The following PIK3C2G variants were observed in gnomAD, a reference collection of about 807,000 sequenced individuals.
The protein encoded by PIK3C2G is phosphatidylinositol-4-phosphate 3-kinase catalytic subunit type 2 gamma, also known as phosphatidylinositol 3-kinase C2 domain-containing subunit gamma.
PIK3C2G carries 168 observed loss-of-function variants against 181.1 expected under a neutral mutation model. That is an observed-to-expected ratio of 0.93 (90% CI 0.82 to 1.05). The LOEUF is 1.05. Among genes scored for constraint, PIK3C2G ranks in the 50% least tolerant of loss-of-function variants. The pLI, the probability that PIK3C2G is intolerant of heterozygous loss-of-function variation, is 0.00. For missense variants in PIK3C2G, 1,869 were observed against 1,732.8 expected (o/e 1.08, Z -1.40); for synonymous variants, 573 against 592.2 (o/e 0.97, Z 0.47).
At chr12:18,343,456 G>T in intron 10 of PIK3C2G, 96 bp downstream of exon 10, 1 of 603,170 alleles carries the variant, frequency 1.7e-6, no homozygotes, top group Non-Finnish European at 3.0e-6. Flanking sequence ...CAAATACTGT[G>T]GTAACACACA....
At chr12:18,450,496 G>A (rs1221611330) in intron 18 of PIK3C2G, among the ~76,000 whole-genome samples, 1 of 152,104 alleles carries the variant, frequency 6.6e-6, no homozygotes, top group African/African-American at 2.4e-5. Flanking sequence ...TTCATCAGAT[G>A]GGTAGATTGC....
In PIK3C2G at chr12:18,488,600, G is replaced by A. The variant is rs1940274118; in HGVS notation, c.2656G>A (p.Val886Ile). The A allele has an allele frequency of 6.4e-7, 1 of 1,561,442 alleles. No individual in the cohort carries two copies. The highest frequency in any genetic ancestry group is 8.7e-7 in the Non-Finnish European group (1 of 1,155,218). Residue 886 changes from valine to isoleucine, a missense_variant, in exon 19 of 33, where the codon GTC becomes ATC. Transcript: ENST00000538779. Reference sequence around the variant, plus strand: ...AATTCTGGGAGATATTGGGGAAAGAGTCAAGTCTGCCAGTGACCATCAAAG... The same window carrying A: ...AATTCTGGGAGATATTGGGGAAAGAATCAAGTCTGCCAGTGACCATCAAAG... ...IKILGDIGER[V>I]KSASDHQRQE... is the part of the protein sequence containing the mutation.
chr12:18,583,285 G>A (rs1301708641), intron 29 of PIK3C2G, among the ~76,000 whole-genome samples: 1 of 152,118 alleles, frequency 6.6e-6, no homozygotes, highest in East Asian at 1.9e-4. Context: ...CACTGTAGGT[G>A]CTGAAAAATC....
At chr12:18,470,154 T>G (rs116163182) in intron 18 of PIK3C2G, among the ~76,000 whole-genome samples, 1,574 of 152,196 alleles carry the variant, frequency 0.01, 28 homozygotes, top group African/African-American at 0.036. Flanking sequence ...TTGGGAGATA[T>G]TATTTATAAT....
At chr12:18,691,235 T>G in the PIK3C2G span, among the ~76,000 whole-genome samples, 2 of 152,034 alleles carry the variant, frequency 1.3e-5, no homozygotes. Flanking sequence ...CCGAGCAGAG[T>G]GGAAGAATGG....
intron 18 of PIK3C2G, among the ~76,000 whole-genome samples, chr12:18,443,582 C>G (rs549687547): frequency 6.6e-6 from 1 of 151,800 alleles, no homozygotes; most frequent in Non-Finnish European, 1.5e-5. Flanking sequence ...AAAACTCCTT[C>G]TATATGTATC....
intron 15 of PIK3C2G, among the ~76,000 whole-genome samples, chr12:18,392,731 T>A (rs1222650679): frequency 6.6e-6 from 1 of 152,108 alleles, no homozygotes; most frequent in African/African-American, 2.4e-5. Flanking sequence ...CCTCATTAAT[T>A]TGCAAGAACT....
intron 26 of PIK3C2G, among the ~76,000 whole-genome samples, chr12:18,551,283 A>G (rs1020174503): frequency 1.3e-5 from 2 of 152,116 alleles, no homozygotes; most frequent in Non-Finnish European, 2.9e-5. Flanking sequence ...GACCACTGCT[A>G]GGCAACAAAG....
At chr12:18,407,535 CA>C (rs1341195135) in intron 16 of PIK3C2G, among the ~76,000 whole-genome samples, 1 of 151,974 alleles carries the variant, frequency 6.6e-6, no homozygotes, top group African/African-American at 2.4e-5. Flanking sequence ...CTGAAACTAG[CA>C]AAAAGAAACA....
intron 18 of PIK3C2G, among the ~76,000 whole-genome samples, chr12:18,457,264 C>T (rs1323659126): frequency 1.3e-5 from 2 of 152,064 alleles, no homozygotes; most frequent in East Asian, 3.9e-4. Flanking sequence ...AAGTGCTTTC[C>T]TTTGATTCTG....
At chr12:18,584,684 A>G (rs1946681047) in intron 29 of PIK3C2G, among the ~76,000 whole-genome samples, 1 of 152,186 alleles carries the variant, frequency 6.6e-6, no homozygotes, top group African/African-American at 2.4e-5. Context: ...AACTCAGTAA[A>G]TATAGAGGAC....
At chr12:18,395,051 C>G (rs1362164567) in intron 15 of PIK3C2G, among the ~76,000 whole-genome samples, 3 of 146,996 alleles carry the variant, frequency 2.0e-5, no homozygotes, top group Non-Finnish European at 4.5e-5. Context: ...TTCATTTTCT[C>G]TTTCCTTCCT....
intron 1 of PIK3C2G, among the ~76,000 whole-genome samples, chr12:18,250,931 A>G (rs1041380709): frequency 1.1e-4 from 16 of 152,102 alleles, no homozygotes; most frequent in South Asian, 4.1e-4. Flanking sequence ...ATAATTAACT[A>G]TAGAAATTCA....
the PIK3C2G span, among the ~76,000 whole-genome samples, chr12:18,653,581 G>T: frequency 6.6e-6 from 1 of 152,146 alleles, no homozygotes; most frequent in Non-Finnish European, 1.5e-5. Flanking sequence ...GTGTTCCTTT[G>T]TATGTGTGCA....
At chr12:18,392,198 T>C (rs1592141762) in intron 15 of PIK3C2G, among the ~76,000 whole-genome samples, 1 of 152,074 alleles carries the variant, frequency 6.6e-6, no homozygotes, top group Non-Finnish European at 1.5e-5. Context: ...CATAACTTGA[T>C]GATTAATTAG....
At chr12:18,254,153 C>T (rs2136962825) in intron 1 of PIK3C2G, among the ~76,000 whole-genome samples, 1 of 151,918 alleles carries the variant, frequency 6.6e-6, no homozygotes, top group African/African-American at 2.4e-5. Flanking sequence ...ATTTAAAAAC[C>T]AACCCTCTAT....
At chr12:18,550,797 T>C (rs898746693) in intron 26 of PIK3C2G, among the ~76,000 whole-genome samples, 1 of 152,046 alleles carries the variant, frequency 6.6e-6, no homozygotes, top group Non-Finnish European at 1.5e-5. Context: ...CAGATTGGGA[T>C]CCCGAGCCAA....
intron 31 of PIK3C2G, among the ~76,000 whole-genome samples, chr12:18,631,819 G>A (rs1392275669): frequency 6.6e-6 from 1 of 152,086 alleles, no homozygotes; most frequent in African/African-American, 2.4e-5. Flanking sequence ...GGAACAGTGA[G>A]GAGGAATAGA....
intron 30 of PIK3C2G, among the ~76,000 whole-genome samples, chr12:18,598,513 G>A (rs1343163447): frequency 2.0e-5 from 3 of 151,892 alleles, no homozygotes; most frequent in Non-Finnish European, 2.9e-5. Flanking sequence ...ATGGATTAAA[G>A]ACTTAAACGT....
Sources: gnomAD v4.1 joint callset for allele counts (sites outside exome capture counted in the v4.1 genomes callset) on GRCh38, gnomAD v4.1.1 for gene constraint, MANE v1.5 for transcripts, NCBI Gene and HGNC (gene_info 2026-07-23, HGNC 2026-07-21) for gene names.